Variants in RHOD observed in about 807,000 individuals in gnomAD.
RHOD encodes the protein ras homolog family member D.
In RHOD, 11 loss-of-function variants were observed where a neutral mutation model predicts 16.7. The ratio of observed to expected loss-of-function variants is 0.66; its 90% CI spans 0.41 to 1.09. The LOEUF is 1.09. RHOD is among the 50% of genes least tolerant of loss of function. The pLI is 0.00. For synonymous variants in RHOD, 124 were observed against 126.3 expected (o/e 0.98, Z 0.12); for missense variants, 271 against 291.7 (o/e 0.93, Z 0.52).
intron 1 of RHOD, among the ~76,000 whole-genome samples, chr11:67,060,512 A>T (rs1854872997): frequency 6.6e-6 from 1 of 152,196 alleles, no homozygotes; most frequent in African/African-American, 2.4e-5. Flanking sequence ...TACAAGCCAG[A>T]GGGGAAACCC....
intron 1 of RHOD, among the ~76,000 whole-genome samples, chr11:67,057,258 C>T (rs1204865852): frequency 1.3e-5 from 2 of 152,338 alleles, no homozygotes; most frequent in African/African-American, 4.8e-5. Context: ...GGAGAGGTGT[C>T]ACAAGGACTG....
intron 1 of RHOD, among the ~76,000 whole-genome samples, chr11:67,061,060 C>T (rs2136245329): frequency 6.6e-6 from 1 of 152,340 alleles, no homozygotes; most frequent in African/African-American, 2.4e-5. Flanking sequence ...TTAATTGACT[C>T]ACAGTTCTGC....
chr11:67,059,212 G>A (rs1244881673), intron 1 of RHOD, among the ~76,000 whole-genome samples: 1 of 152,146 alleles, frequency 6.6e-6, no homozygotes, highest in Non-Finnish European at 1.5e-5. Flanking sequence ...GGGGCTCTGA[G>A]TTCCCTGGAG....
In RHOD at chr11:67,066,852, G is replaced by A. The variant is rs201998415; in HGVS notation, c.330+5G>A. The A allele has an allele frequency of 3.1e-6, 5 of 1,595,574 alleles. No individual in the cohort carries two copies. In the East Asian group the frequency reaches 1.1e-4, roughly 36 times the overall value. On this transcript the variant is annotated splice_donor_5th_base_variant and intron_variant, in intron 3 of 4. Coordinates refer to ENST00000308831, the MANE Select transcript of RHOD (RefSeq NM_014578.4). Reference sequence around the variant, plus strand: ...TTTGACAACATCTTTAACCGGGTAGGTACTGGGGGGCAGGGAGGCATAGCC... The same window carrying A: ...TTTGACAACATCTTTAACCGGGTAGATACTGGGGGGCAGGGAGGCATAGCC...
At chr11:67,065,367 C>G (rs865920381) in intron 1 of RHOD, among the ~76,000 whole-genome samples, 4 of 152,110 alleles carry the variant, frequency 2.6e-5, no homozygotes, top group South Asian at 4.2e-4. Context: ...AGCCAGCACA[C>G]CCGGCCTTTT....
intron 1 of RHOD, among the ~76,000 whole-genome samples, chr11:67,064,404 CAAAAAAA>C (rs551453728): frequency 6.5e-5 from 4 of 61,160 alleles, no homozygotes; most frequent in Non-Finnish European, 1.0e-4. Flanking sequence ...GACTCCCTCT[CAAAAAAA>C]AAAAAAAAGG....
Position 67,066,846 on chromosome 11 carries a change from G to A in RHOD, c.329G>A (p.Arg110Gln), listed in dbSNP as rs185767086. 96 of 1,605,938 alleles carry A rather than the reference G, an allele frequency of 6.0e-5. No individual in the cohort carries two copies. The highest frequency in any genetic ancestry group is 4.5e-4 in the Admixed American group (27 of 60,006). ...AACAGCTTTGACAACATCTTTAACCGGGTAGGTACTGGGGGGCAGGGAGGC... is the reference window on the plus strand; with the variant it reads ...AACAGCTTTGACAACATCTTTAACCAGGTAGGTACTGGGGGGCAGGGAGGC... Reference protein sequence around the residue: ...SPNSFDNIFNRWYPEVNHFCK... With the variant: ...SPNSFDNIFNQWYPEVNHFCK... Residue 110 changes from arginine to glutamine, a missense_variant and splice_region_variant, in exon 3 of 5, where the codon CGG (arginine) becomes CAG (glutamine). Physicochemically the swap from Arg to Gln is conservative, Grantham distance 43. Transcript: ENST00000308831.
At chr11:67,059,265 C>T (rs75005293) in intron 1 of RHOD, among the ~76,000 whole-genome samples, 8,405 of 152,132 alleles carry the variant, frequency 0.055, 388 homozygotes, top group African/African-American at 0.13. Context: ...ATGGGCCGGG[C>T]GTAATGGCCC....
intron 4 of RHOD, among the ~76,000 whole-genome samples, chr11:67,070,800 A>T (rs1855020218): frequency 6.6e-6 from 1 of 152,170 alleles, no homozygotes; most frequent in African/African-American, 2.4e-5. Flanking sequence ...TTCCACCACC[A>T]ACCTGAGACC....
intron 3 of RHOD, among the ~76,000 whole-genome samples, chr11:67,068,521 T>G (rs1314543334): frequency 1.3e-5 from 2 of 151,958 alleles, no homozygotes; most frequent in Non-Finnish European, 2.9e-5. Context: ...CTAAGGATTC[T>G]CTGATGGTGG....
chr11:67,067,236 C>G (rs906528788), intron 3 of RHOD, among the ~76,000 whole-genome samples: 8 of 152,202 alleles, frequency 5.3e-5, no homozygotes, highest in Non-Finnish European at 8.8e-5. Context: ...AGCAGCTCTG[C>G]GTGGCTGCTG....
chr11:67,063,524 G>A lies in RHOD; in HGVS notation c.133-2372G>A, dbSNP rs76173549. 5.6e-3 allele frequency among the ~76,000 whole-genome samples: 793 copies of A among 142,634 alleles called. 23 individuals carry two copies. The East Asian group carries it at 0.1, about 18-fold the overall frequency. The allele number at this position is 142,634 out of a possible 152,430, so 93.6% of individuals were successfully genotyped here. A position where few individuals can be genotyped will look rare whatever the true frequency, so the allele number is the denominator to read the frequency against. On this transcript the variant is annotated intron_variant, in intron 1 of 4. Coordinates refer to ENST00000308831, the MANE Select transcript of RHOD (RefSeq NM_014578.4). ...TTTTTTTTTTAAAAAAAGGCCAGGC[G>A]TGGTGGCTCATGCCTGTAATCCCAG...
Position 67,065,642 on chromosome 11 carries a change from G to C in RHOD, c.133-254G>C, listed in dbSNP as rs139953470. On this transcript the variant is annotated intron_variant, in intron 1 of 4. Coordinates refer to ENST00000308831, the MANE Select transcript of RHOD (RefSeq NM_014578.4). ...CGTCCCAAAGTGCTGGGATTACAGG[G>C]TGAGCTATGGTGCCTGGCTGGTAGG... Among the ~76,000 whole-genome samples the C allele has an allele frequency of 5.0e-4, 76 of 152,256 alleles. No homozygotes were observed. The East Asian group carries it at 0.014, about 29-fold the overall frequency.
intron 3 of RHOD, among the ~76,000 whole-genome samples, chr11:67,067,948 C>T (rs545032796): frequency 7.9e-5 from 12 of 152,074 alleles, no homozygotes; most frequent in East Asian, 3.9e-4. Context: ...TACAGGCGCC[C>T]GCCACCACGC....
intron 1 of RHOD, 60 bp from the exon 2 acceptor site, chr11:67,065,836 C>T: frequency 1.7e-6 from 2 of 1,159,978 alleles, no homozygotes; most frequent in South Asian, 1.3e-5. Flanking sequence ...GTGGACAGAC[C>T]AAGTCCCCAG....
At chr11:67,059,540 G>A (rs1396021246) in intron 1 of RHOD, among the ~76,000 whole-genome samples, 2 of 150,210 alleles carry the variant, frequency 1.3e-5, no homozygotes, top group Non-Finnish European at 3.0e-5. Context: ...GCGAGACTCC[G>A]TCTCAAAATA....
intron 3 of RHOD, chr11:67,070,166 C>T: frequency 1.9e-6 from 1 of 539,090 alleles, no homozygotes. Context: ...AGTTACATCG[C>T]CTTTCTGTGC....
Position 67,056,897 on chromosome 11 carries a change from C to T in RHOD, c.-6C>T. 6.9e-7 allele frequency: 1 copy of T among 1,439,004 alleles called. No individual in the cohort carries two copies. Among genetic ancestry groups the T allele is most frequent in the South Asian group, 1.4e-5 (1 of 71,874 alleles). 89.1% of individuals were successfully genotyped at this position (1,439,004 alleles called of 1,614,324 possible). A position where few individuals can be genotyped will look rare whatever the true frequency, so the allele number is the denominator to read the frequency against. On this transcript the variant is annotated 5_prime_UTR_variant, in exon 1 of 5. Transcript: ENST00000308831. ...CCCGCCCGCCCGCTCAGCGCCCGGCCCCGGGATGACGGCGGCCCAGGCCGC... is the reference window on the plus strand; with the variant it reads ...CCCGCCCGCCCGCTCAGCGCCCGGCTCCGGGATGACGGCGGCCCAGGCCGC...
intron 3 of RHOD, among the ~76,000 whole-genome samples, chr11:67,068,738 C>T (rs1430948287): frequency 6.6e-6 from 1 of 151,870 alleles, no homozygotes; most frequent in African/African-American, 2.4e-5. Context: ...ACCCGGGAGG[C>T]GGAGGTTGCA....
Sources: gnomAD v4.1 joint callset for allele counts (sites outside exome capture counted in the v4.1 genomes callset) on GRCh38, gnomAD v4.1.1 for gene constraint, MANE v1.5 for transcripts, NCBI Gene and HGNC (gene_info 2026-07-23, HGNC 2026-07-21) for gene names.